Variants in SLC24A1 observed in about 807,000 individuals in gnomAD.
The protein encoded by SLC24A1 is solute carrier family 24 member 1.
Under a neutral mutation model 88.1 loss-of-function variants are expected in SLC24A1, and 52 were observed. The observed-to-expected ratio is 0.59, with a 90% CI of 0.47 to 0.74. SLC24A1 has a LOEUF of 0.74. Among genes scored for constraint, SLC24A1 ranks in the 30% least tolerant of loss-of-function variants. The pLI, the probability that SLC24A1 is intolerant of heterozygous loss-of-function variation, is 0.00. For synonymous variants in SLC24A1, 455 were observed against 498.0 expected (o/e 0.91, Z 1.15); for missense variants, 1,173 against 1,363.3 (o/e 0.86, Z 2.20).
intron 2 of SLC24A1, among the ~76,000 whole-genome samples, chr15:65,627,502 A>G (rs944209066): frequency 1.3e-5 from 2 of 152,214 alleles, no homozygotes; most frequent in African/African-American, 4.8e-5. Context: ...CTAACTCCCC[A>G]TTCAGTGCTA....
In SLC24A1 at chr15:65,638,171, A is replaced by G; in HGVS notation, c.1934A>G (p.Lys645Arg). Residue 645 changes from lysine to arginine, a missense_variant, in exon 3 of 10, where the codon AAG becomes AGG. Physicochemically the swap from Lys to Arg is conservative, Grantham distance 26 (BLOSUM62 2). Transcript: ENST00000261892. ...AIAVDELQDN[K>R]KLKLPSLLTR... ...GCGGTGGATGAGCTACAGGATAACA[A>G]GAAGCTGAAGGTGGGTGCCGTATGG... is the stretch of plus-strand genomic sequence containing the variant. 6.2e-7 allele frequency: 1 copy of G among 1,608,038 alleles called. No individual in the cohort carries two copies. Among genetic ancestry groups the G allele is most frequent in the South Asian group, 1.1e-5 (1 of 89,700 alleles).
intron 8 of SLC24A1, 121 bp from the exon 9 acceptor site, chr15:65,652,521 C>A: frequency 1.2e-6 from 1 of 826,650 alleles, no homozygotes; most frequent in Non-Finnish European, 1.9e-6. Flanking sequence ...CTTCCTCACT[C>A]AGGCTGAGGG....
At chr15:65,658,818 TA>T (rs1410259980), downstream of SLC24A1, among the ~76,000 whole-genome samples, 2 of 150,952 alleles carry the variant, frequency 1.3e-5, no homozygotes. Flanking sequence ...CAGCATAAAG[TA>T]AAAATAAGTA....
At position 65,638,117 on chromosome 15, in the gene SLC24A1, C is replaced by T. The variant is rs977174541; in HGVS notation, c.1891-11C>T. 6.2e-7 allele frequency: 1 copy of T among 1,604,432 alleles called. No homozygotes were observed. Among genetic ancestry groups the T allele is most frequent in the African/African-American group, 1.3e-5 (1 of 74,828 alleles). On this transcript the variant is annotated splice_polypyrimidine_tract_variant and intron_variant, in intron 2 of 9. Transcript: ENST00000261892. ...GCCACAACATCTCGTGACTCCTCTC[C>T]CTGTTTGCAGCCGGGCGATGGGGCC...
chr15:65,611,390 G>T, upstream of SLC24A1: 3 of 595,168 alleles, frequency 5.0e-6, no homozygotes, highest in Non-Finnish European at 9.0e-6. Context: ...TGGGTTTCCT[G>T]CCGTGTCTCT....
chr15:65,651,830 C>G, intron 8 of SLC24A1, 71 bp downstream of exon 8: 1 of 801,938 alleles, frequency 1.2e-6, no homozygotes, highest in Non-Finnish European at 2.2e-6. Flanking sequence ...GATCAATCTC[C>G]GGTACTCAGG....
Position 65,624,676 on chromosome 15 carries a change from C to A in SLC24A1, c.596C>A (p.Thr199Asn). ...TCCCCACGTGGTAGAAGAGTAGGCA[C>A]TTACGTGCCGTCCACATTCATGACA... The part of the protein sequence containing the change: ...TPSPRGRRVG[T>N]YVPSTFMTME... Residue 199 changes from threonine (T) to asparagine (N), a missense_variant, in exon 2 of 10, where the codon ACT (threonine) becomes AAT (asparagine). Thr to Asn is a moderately conservative substitution (Grantham distance 65). Transcript: ENST00000261892. The A allele has an allele frequency of 6.2e-7, 1 of 1,601,052 alleles. No homozygotes were observed. The highest frequency in any genetic ancestry group is 8.5e-7 in the Non-Finnish European group (1 of 1,173,624).
chr15:65,628,915 G>C (rs1234875332), intron 2 of SLC24A1, among the ~76,000 whole-genome samples: 1 of 152,182 alleles, frequency 6.6e-6, no homozygotes, highest in Admixed American at 6.5e-5. Context: ...TAGGTTGCTC[G>C]TCTGTAAAGT....
At chr15:65,644,711 T>C (rs1016058021) in intron 5 of SLC24A1, among the ~76,000 whole-genome samples, 198 bp downstream of exon 5, 1 of 152,222 alleles carries the variant, frequency 6.6e-6, no homozygotes, top group South Asian at 2.1e-4. Context: ...TCCCAGGTGC[T>C]GTCTTTCTGA....
chr15:65,656,871 T>A (rs1175497802), downstream of SLC24A1, among the ~76,000 whole-genome samples: 1 of 152,190 alleles, frequency 6.6e-6, no homozygotes, highest in Non-Finnish European at 1.5e-5. Flanking sequence ...GTTTTTTTGT[T>A]TTGTTTTGTT....
intron 9 of SLC24A1, 113 bp from the exon 10 acceptor site, chr15:65,653,717 T>G: frequency 9.2e-7 from 1 of 1,084,330 alleles, no homozygotes; most frequent in Non-Finnish European, 1.3e-6. Flanking sequence ...TTCTGTTCAC[T>G]TCATAGATAT....
rs147155447 is a variant in SLC24A1 at position 65,639,339 on chromosome 15, C to G, written c.1945-256C>G. 8.6e-3 allele frequency among the ~76,000 whole-genome samples: 1,308 copies of G among 152,218 alleles called. 16 individuals carry two copies. Among genetic ancestry groups the G allele is most frequent in the South Asian group, 0.04 (194 of 4,816 alleles). ...TCATAACGTGATATTCCTAATACAC[C>G]AGGTTGCTCCCTGTGGAGACGTTGG... On this transcript the variant is annotated intron_variant, in intron 3 of 9. Transcript: ENST00000261892.
chr15:65,644,354 G>C lies in SLC24A1; in HGVS notation c.2054-73G>C, dbSNP rs147145710. 5 of 1,065,014 alleles carry C rather than the reference G, an allele frequency of 4.7e-6. No homozygotes were observed. In the South Asian group the frequency reaches 6.7e-5, roughly 14 times the overall value. The allele number at this position is 1,065,014 out of a possible 1,614,324, so 66.0% of individuals were successfully genotyped here. A position where few individuals can be genotyped will look rare whatever the true frequency, so the allele number is the denominator to read the frequency against. On this transcript the variant is annotated intron_variant, in intron 4 of 9. Coordinates refer to ENST00000261892, the MANE Select transcript of SLC24A1 (RefSeq NM_004727.3). ...CTGCCCTCTGGCTGCTCAGCTGACT[G>C]TCCTAACTGAAAGGGCGTGGCAGGG...
chr15:65,657,438 G>A (rs374977769), downstream of SLC24A1, among the ~76,000 whole-genome samples: 3 of 152,016 alleles, frequency 2.0e-5, no homozygotes, highest in East Asian at 1.9e-4. Context: ...TCAGTAGATC[G>A]AGACCATCCT....
intron 2 of SLC24A1, among the ~76,000 whole-genome samples, chr15:65,630,341 C>A (rs1281043160): frequency 1.3e-5 from 2 of 152,222 alleles, no homozygotes; most frequent in Non-Finnish European, 2.9e-5. Flanking sequence ...CTCAAGCAGA[C>A]AAACCTGCTG....
intron 6 of SLC24A1, among the ~76,000 whole-genome samples, chr15:65,649,280 A>C (rs1338084844): frequency 6.6e-6 from 1 of 152,000 alleles, no homozygotes; most frequent in African/African-American, 2.4e-5. Context: ...TTGTATTTTT[A>C]GTAGAGACAG....
At chr15:65,648,513 G>C (rs555064002) in intron 6 of SLC24A1, among the ~76,000 whole-genome samples, 2 of 149,944 alleles carry the variant, frequency 1.3e-5, no homozygotes, top group African/African-American at 4.9e-5. Flanking sequence ...ACTGAGTCTT[G>C]CTCTGTCGCC....
chr15:65,652,639 C>G lies in SLC24A1; in HGVS notation c.2884-3C>G. ...CCTACTGTTGACCGTTGCCGTTTACCAGGTTGGTGAAACAATAGGGATTTC... is the reference window on the plus strand; with the variant it reads ...CCTACTGTTGACCGTTGCCGTTTACGAGGTTGGTGAAACAATAGGGATTTC... On this transcript the variant is annotated splice_region_variant and splice_polypyrimidine_tract_variant and intron_variant, in intron 8 of 9. Transcript: ENST00000261892. 1 of 1,613,694 alleles carries G rather than the reference C, an allele frequency of 6.2e-7. No homozygotes were observed.
At chr15:65,656,299 T>C, downstream of SLC24A1, 1 of 971,826 alleles carries the variant, frequency 1.0e-6, no homozygotes, top group Non-Finnish European at 1.2e-6. Flanking sequence ...GGCATACCCC[T>C]TTGCCTAGAA....
Sources: allele counts gnomAD v4.1 joint callset (sites outside exome capture counted in the v4.1 genomes callset), GRCh38; gene constraint gnomAD v4.1.1; transcripts MANE v1.5; gene names NCBI Gene and HGNC (gene_info 2026-07-23, HGNC 2026-07-21).